TCF12: variants seen among roughly 807,000 people sequenced by gnomAD.
TCF12 encodes the protein transcription factor 12.
In TCF12, 45 loss-of-function variants were observed where a neutral mutation model predicts 86.0. The ratio of observed to expected loss-of-function variants is 0.52; its 90% CI spans 0.41 to 0.67. TCF12 has a LOEUF of 0.67. Among genes scored for constraint, TCF12 ranks in the 30% least tolerant of loss-of-function variants. The probability of loss-of-function intolerance (pLI) is 0.00; values close to 1 mark genes in which losing one functional copy is unlikely to be tolerated. For synonymous variants in TCF12, 330 were observed against 299.6 expected, an observed-to-expected ratio of 1.10 and a Z score of -1.05; for missense variants, 881 against 859.9, an observed-to-expected ratio of 1.02 and a Z score of -0.31.
intron 6 of TCF12, among the ~76,000 whole-genome samples, chr15:57,170,744 A>AAC (rs2055381999): frequency 5.6e-5 from 2 of 35,616 alleles, no homozygotes; most frequent in Non-Finnish European, 1.0e-4. Flanking sequence ...TATAATATAT[A>AAC]TTATATATTA....
chr15:57,167,513 A>T (rs1470939145), intron 6 of TCF12, among the ~76,000 whole-genome samples: 1 of 151,942 alleles, frequency 6.6e-6, no homozygotes, highest in Non-Finnish European at 1.5e-5. Flanking sequence ...GTGACCCATG[A>T]TTGCACCACT....
intron 3 of TCF12, among the ~76,000 whole-genome samples, chr15:57,056,117 G>GTGTT (rs1491145594): frequency 5.9e-3 from 2 of 338 alleles, no homozygotes; most frequent in African/African-American, 0.023. Flanking sequence ...AGTTTTAGGG[G>GTGTT]TGTGTGTGTG....
rs552750761 is a variant in TCF12, at chr15:57,031,898, G to A, written c.149-31852G>A. Among the ~76,000 whole-genome samples the A allele has an allele frequency of 6.6e-5, 10 of 152,248 alleles. No homozygotes were observed. In the East Asian group the frequency reaches 1.7e-3, roughly 26 times the overall value. ...ATGGTAATGACATCAGCTGACAGCC[G>A]TTGCATGCAGGAACCAAAACTCTGA... On this transcript the variant is annotated intron_variant, in intron 3 of 20. Coordinates refer to ENST00000333725, the MANE Select transcript of TCF12 (RefSeq NM_207037.2).
At position 57,132,836 on chromosome 15, in the gene TCF12, A is replaced by G. The variant is rs2052236495; in HGVS notation, c.326-33566A>G. ...GACAAGAGCTCTGTGGATGCTACCTAACAGATCATGGAGCTCTGCCTATGT... is the reference window on the plus strand; with the variant it reads ...GACAAGAGCTCTGTGGATGCTACCTGACAGATCATGGAGCTCTGCCTATGT... On this transcript the variant is annotated intron_variant, in intron 5 of 20. Coordinates refer to ENST00000333725, the MANE Select transcript of TCF12 (RefSeq NM_207037.2). 3.3e-5 allele frequency among the ~76,000 whole-genome samples: 5 copies of G among 152,278 alleles called. No homozygotes were observed. In the South Asian group the frequency reaches 1.0e-3, roughly 32 times the overall value.
chr15:56,940,697 C>T (rs1425665612), intron 3 of TCF12, among the ~76,000 whole-genome samples: 1 of 141,662 alleles, frequency 7.1e-6, no homozygotes, highest in Admixed American at 7.1e-5. Flanking sequence ...TCCCTCTCCC[C>T]TTTCCCCTCC....
chr15:57,246,007 T>C (rs2059841063), intron 13 of TCF12, among the ~76,000 whole-genome samples: 1 of 143,888 alleles, frequency 6.9e-6, no homozygotes, highest in Non-Finnish European at 1.5e-5. Flanking sequence ...TGATAAAATA[T>C]TCACTGTCAA....
chr15:57,045,887 G>T (rs1305274305), intron 3 of TCF12, among the ~76,000 whole-genome samples: 1 of 152,090 alleles, frequency 6.6e-6, no homozygotes, highest in African/African-American at 2.4e-5. Flanking sequence ...GCTCCGGCAG[G>T]CTGTCAGTAC....
At chr15:57,099,300 C>G (rs960633794) in intron 5 of TCF12, among the ~76,000 whole-genome samples, 1 of 152,102 alleles carries the variant, frequency 6.6e-6, no homozygotes, top group Non-Finnish European at 1.5e-5. Flanking sequence ...GTAATACTAA[C>G]GCCTTAGTTT....
At chr15:57,007,792 CTCTTTCTT>C (rs562497424) in intron 3 of TCF12, among the ~76,000 whole-genome samples, 1 of 52,536 alleles carries the variant, frequency 1.9e-5, no homozygotes, top group African/African-American at 5.2e-5. Flanking sequence ...CTTTCTTTCT[CTCTTTCTT>C]TCTTTCTTTC....
intron 5 of TCF12, among the ~76,000 whole-genome samples, chr15:57,138,227 C>T (rs1345039890): frequency 1.3e-5 from 2 of 152,140 alleles, no homozygotes; most frequent in Non-Finnish European, 1.5e-5. Flanking sequence ...CTTTGATGCT[C>T]ATGTCTAAAA....
At chr15:57,085,268 A>G (rs1433407473) in intron 4 of TCF12, among the ~76,000 whole-genome samples, 2 of 152,218 alleles carry the variant, frequency 1.3e-5, no homozygotes, top group African/African-American at 4.8e-5. Flanking sequence ...GTAGAAATGT[A>G]TGGACCTGGA....
At position 57,270,613 on chromosome 15, in the gene TCF12, G is replaced by C. The variant is rs184737949; in HGVS notation, c.1746-2417G>C. Reference sequence around the variant, plus strand: ...CCAGTTTTGTTCCCTTGTTGATGAGGAGTTGTGTTCCTTTGGAGGAGAAGA... The same window carrying C: ...CCAGTTTTGTTCCCTTGTTGATGAGCAGTTGTGTTCCTTTGGAGGAGAAGA... On this transcript the variant is annotated intron_variant, in intron 18 of 20. Coordinates refer to ENST00000333725, the MANE Select transcript of TCF12 (RefSeq NM_207037.2). 2.6e-3 allele frequency among the ~76,000 whole-genome samples: 397 copies of C among 152,238 alleles called. 3 individuals carry two copies. The highest frequency in any genetic ancestry group is 8.9e-3 in the African/African-American group (369 of 41,562).
rs139371114 is a variant in TCF12 at position 56,994,319 on chromosome 15, A to G, written c.149-69431A>G. ...AATATTTTTAGACATCCAGGTTGTA[A>G]TCCAAAATCTAACATATGAAGAACC... On this transcript the variant is annotated intron_variant, in intron 3 of 20. Transcript: ENST00000333725. Among the ~76,000 whole-genome samples, 143 of 152,296 alleles carry G rather than the reference A, an allele frequency of 9.4e-4. 2 individuals are homozygous for G. Among genetic ancestry groups the G allele is most frequent in the Middle Eastern group, 6.8e-3 (2 of 294 alleles).
At chr15:56,966,645 T>G (rs913000492) in intron 3 of TCF12, among the ~76,000 whole-genome samples, 3 of 152,230 alleles carry the variant, frequency 2.0e-5, no homozygotes, top group Non-Finnish European at 2.9e-5. Flanking sequence ...CTGTTGTTAT[T>G]TTTCCTTCAG....
intron 4 of TCF12, among the ~76,000 whole-genome samples, chr15:57,075,651 A>C (rs8023315): frequency 6.6e-6 from 1 of 152,100 alleles, no homozygotes; most frequent in Middle Eastern, 3.2e-3. Context: ...TGAAAATGAT[A>C]ATCTGTTTTG....
At chr15:57,048,246 G>T (rs1175447584) in intron 3 of TCF12, among the ~76,000 whole-genome samples, 3 of 150,984 alleles carry the variant, frequency 2.0e-5, no homozygotes, top group Non-Finnish European at 4.4e-5. Context: ...TTTTTTGTTT[G>T]TTTGTTTGTT....
intron 16 of TCF12, among the ~76,000 whole-genome samples, chr15:57,254,199 A>G (rs1185542577): frequency 1.3e-5 from 2 of 152,224 alleles, no homozygotes; most frequent in Non-Finnish European, 2.9e-5. Flanking sequence ...ATGCTGTGAA[A>G]TGTTCTTCTA....
intron 3 of TCF12, among the ~76,000 whole-genome samples, chr15:56,973,758 G>T (rs1323330464): frequency 1.3e-5 from 2 of 152,132 alleles, no homozygotes; most frequent in East Asian, 1.9e-4. Context: ...TAACTTTACA[G>T]TGGAGAAATT....
chr15:57,156,974 A>C (rs990741055), intron 5 of TCF12, among the ~76,000 whole-genome samples: 2 of 152,234 alleles, frequency 1.3e-5, no homozygotes, highest in Non-Finnish European at 2.9e-5. Flanking sequence ...AAGAGTGTGA[A>C]TACTGAGATA....
Sources: gnomAD v4.1 joint callset for allele counts (sites outside exome capture counted in the v4.1 genomes callset) on GRCh38, gnomAD v4.1.1 for gene constraint, MANE v1.5 for transcripts, NCBI Gene and HGNC (gene_info 2026-07-23, HGNC 2026-07-21) for gene names.